The following CHRM3 variants were observed in gnomAD, a reference collection of about 807,000 sequenced individuals.
CHRM3 encodes muscarinic acetylcholine receptor M3.
CHRM3 carries 11 observed loss-of-function variants against 41.8 expected under a neutral mutation model. The observed-to-expected ratio is 0.26, with a 90% CI of 0.17 to 0.44. The LOEUF (loss-of-function observed/expected upper bound fraction) is 0.44, where lower values mean the gene tolerates loss of function less well. Ranked by LOEUF, CHRM3 falls within the 20% of genes least tolerant of loss-of-function variation. The probability of loss-of-function intolerance (pLI) is 1.00; values close to 1 mark genes in which losing one functional copy is unlikely to be tolerated. For missense variants in CHRM3, 571 were observed against 745.4 expected, an observed-to-expected ratio of 0.77 and a Z score of 2.72; for synonymous variants, 297 against 301.4, an observed-to-expected ratio of 0.99 and a Z score of 0.15.
chr1:239,460,066 A>T (rs987386164), intron 1 of CHRM3, among the ~76,000 whole-genome samples: 1 of 152,226 alleles, frequency 6.6e-6, no homozygotes, highest in South Asian at 2.1e-4. Flanking sequence ...ACAAAGTTAC[A>T]TGGCTAATAA....
Position 239,386,599 on chromosome 1 carries a change from G to A in CHRM3, c.-1149G>A, listed in dbSNP as rs1658529482. On this transcript the variant is annotated 5_prime_UTR_variant, in exon 1 of 7. Transcript: ENST00000676153. ...GCTCTCTCAGTCCGGGGAGGAGGAG[G>A]AGCAGGAGGAACGCGAGGAGGAAGG... is the stretch of plus-strand genomic sequence containing the variant. The A allele has an allele frequency of 1.3e-5, 2 of 153,896 alleles. No homozygotes were observed. Among genetic ancestry groups the A allele is most frequent in the Admixed American group, 1.3e-4 (2 of 15,300 alleles). 9.5% of individuals were successfully genotyped at this position (153,896 alleles called of 1,614,324 possible). A position where few individuals can be genotyped will look rare whatever the true frequency, so the allele number is the denominator to read the frequency against.
chr1:239,510,069 G>A (rs752284371), intron 2 of CHRM3, among the ~76,000 whole-genome samples: 1 of 152,080 alleles, frequency 6.6e-6, no homozygotes, highest in Non-Finnish European at 1.5e-5. Flanking sequence ...AGCCTGGGCA[G>A]CATAAGACTC....
intron 3 of CHRM3, among the ~76,000 whole-genome samples, chr1:239,567,209 T>G (rs978949808): frequency 2.0e-5 from 3 of 151,780 alleles, no homozygotes; most frequent in Non-Finnish European, 4.4e-5. Flanking sequence ...TGCGGTGGCA[T>G]GCACCTGAAT....
At chr1:239,519,958 C>T (rs1040167722) in intron 2 of CHRM3, among the ~76,000 whole-genome samples, 1 of 151,732 alleles carries the variant, frequency 6.6e-6, no homozygotes, top group Non-Finnish European at 1.5e-5. Context: ...CGTGTTAGCC[C>T]GGATGGTCTC....
chr1:239,515,707 T>G (rs1411056939), intron 2 of CHRM3, among the ~76,000 whole-genome samples: 1 of 152,208 alleles, frequency 6.6e-6, no homozygotes, highest in Admixed American at 6.6e-5. Context: ...ATTTGCATCT[T>G]AAATGAATAA....
chr1:239,774,896 A>T (rs2148755243), intron 5 of CHRM3, among the ~76,000 whole-genome samples: 1 of 152,298 alleles, frequency 6.6e-6, no homozygotes, highest in South Asian at 2.1e-4. Flanking sequence ...AAGGGGAAAA[A>T]TGTGAGGGAA....
chr1:239,604,730 A>G (rs972981960), intron 3 of CHRM3, among the ~76,000 whole-genome samples: 4 of 152,106 alleles, frequency 2.6e-5, no homozygotes, highest in Non-Finnish European at 5.9e-5. Context: ...ACTTTTAGAT[A>G]TTTTCATTGT....
At chr1:239,474,757 G>T (rs1666355511) in intron 1 of CHRM3, among the ~76,000 whole-genome samples, 1 of 152,056 alleles carries the variant, frequency 6.6e-6, no homozygotes, top group Admixed American at 6.6e-5. Flanking sequence ...GTTGCAGAAG[G>T]TGGGCTACTG....
At chr1:239,458,397 G>A (rs1359498272) in intron 1 of CHRM3, among the ~76,000 whole-genome samples, 2 of 152,144 alleles carry the variant, frequency 1.3e-5, no homozygotes, top group African/African-American at 4.8e-5. Flanking sequence ...AGGAAGCAGA[G>A]CTAAATGTGT....
At chr1:239,822,871 A>G (rs1379251389) in intron 5 of CHRM3, among the ~76,000 whole-genome samples, 1 of 152,226 alleles carries the variant, frequency 6.6e-6, no homozygotes, top group Non-Finnish European at 1.5e-5. Context: ...AGGTACTTAG[A>G]GTAAAATGTT....
chr1:239,484,557 G>A (rs1667064674), intron 1 of CHRM3, among the ~76,000 whole-genome samples: 1 of 152,116 alleles, frequency 6.6e-6, no homozygotes, highest in Admixed American at 6.5e-5. Flanking sequence ...GAAACAGCTA[G>A]GTGTGGTGGT....
At chr1:239,656,320 A>T (rs1354262226) in intron 4 of CHRM3, among the ~76,000 whole-genome samples, 2 of 122,482 alleles carry the variant, frequency 1.6e-5, no homozygotes, top group African/African-American at 5.5e-5. Context: ...GTTTAATAAA[A>T]TATTTTTTTT....
intron 1 of CHRM3, among the ~76,000 whole-genome samples, chr1:239,433,479 T>C (rs1228685174): frequency 6.6e-6 from 1 of 152,216 alleles, no homozygotes; most frequent in Non-Finnish European, 1.5e-5. Context: ...TTTATTTGCA[T>C]AGGTTTTTGG....
intron 5 of CHRM3, among the ~76,000 whole-genome samples, chr1:239,708,710 T>G (rs1022546432): frequency 2.0e-5 from 3 of 150,684 alleles, no homozygotes; most frequent in African/African-American, 7.3e-5. Flanking sequence ...TATTCCTGGC[T>G]CTTTGTTTCT....
At chr1:239,834,310 C>CTTT (rs71168857) in intron 6 of CHRM3, among the ~76,000 whole-genome samples, 28 of 118,296 alleles carry the variant, frequency 2.4e-4, no homozygotes, top group African/African-American at 4.2e-4. Context: ...AACTTAATGC[C>CTTT]TTTTTTTTTT....
intron 3 of CHRM3, among the ~76,000 whole-genome samples, chr1:239,559,118 C>T (rs1341022522): frequency 6.6e-6 from 1 of 152,158 alleles, no homozygotes; most frequent in Non-Finnish European, 1.5e-5. Flanking sequence ...TTTTGCACAA[C>T]AGCCATCTCT....
intron 1 of CHRM3, among the ~76,000 whole-genome samples, chr1:239,432,042 G>A (rs1253546604): frequency 6.6e-6 from 1 of 152,006 alleles, no homozygotes; most frequent in Non-Finnish European, 1.5e-5. Context: ...TCTCATCCCG[G>A]AAGGATGTGG....
At chr1:239,605,929 A>C (rs1181934854) in intron 3 of CHRM3, 1 of 152,200 alleles carries the variant, frequency 6.6e-6, no homozygotes, top group Non-Finnish European at 1.5e-5. Context: ...GGGTCTTTTC[A>C]GGGTTTACCA....
chr1:239,436,639 T>C (rs535542710), intron 1 of CHRM3, among the ~76,000 whole-genome samples: 149 of 152,084 alleles, frequency 9.8e-4, no homozygotes, highest in Admixed American at 1.5e-3. Flanking sequence ...GCTTTATGAA[T>C]TTTTCTCACA....
Sources: allele counts gnomAD v4.1 joint callset (sites outside exome capture counted in the v4.1 genomes callset), GRCh38; gene constraint gnomAD v4.1.1; transcripts MANE v1.5; gene names NCBI Gene and HGNC (gene_info 2026-07-23, HGNC 2026-07-21).